The following ZRANB3 variants were observed in gnomAD, a reference collection of about 807,000 sequenced individuals.
ZRANB3 encodes the protein zinc finger RANBP2-type containing 3, also known as DNA annealing helicase and endonuclease ZRANB3.
In ZRANB3, 125 loss-of-function variants were observed where a neutral mutation model predicts 133.8. The observed-to-expected ratio is 0.93, with a 90% CI of 0.81 to 1.08. The LOEUF (loss-of-function observed/expected upper bound fraction) is 1.08, where lower values mean the gene tolerates loss of function less well. Ranked by LOEUF, ZRANB3 falls within the 50% of genes least tolerant of loss-of-function variation. ZRANB3 has a pLI of 0.00. For synonymous variants in ZRANB3, 387 were observed against 432.7 expected (o/e 0.89, Z 1.31); for missense variants, 1,229 against 1,275.5 (o/e 0.96, Z 0.56).
At position 135,271,821 on chromosome 2, in the gene ZRANB3, G is replaced by GAAACT; in HGVS notation, c.1148_1152dup (p.Gln385SerfsTer13). 1.2e-6 allele frequency: 2 copies of GAAACT among 1,613,780 alleles called. No individual in the cohort carries two copies. Among genetic ancestry groups the GAAACT allele is most frequent in the Non-Finnish European group, 8.5e-7 (1 of 1,179,834 alleles). ...GCCACGCGAGTGTCAGGATCCTTTT[G>GAAACT]AAACTGATTAACCAGATGTATTCTT... is the stretch of plus-strand genomic sequence containing the variant. On this transcript the variant is annotated frameshift_variant, in exon 10 of 21. Coordinates refer to ENST00000264159, the MANE Select transcript of ZRANB3 (RefSeq NM_032143.4). LOFTEE classifies it high-confidence loss of function.
At chr2:135,441,629 T>C (rs1406989731) in intron 2 of ZRANB3, among the ~76,000 whole-genome samples, 1 of 152,064 alleles carries the variant, frequency 6.6e-6, no homozygotes, top group African/African-American at 2.4e-5. Context: ...ATATAATATA[T>C]ACTTGTATAA....
At chr2:135,218,154 C>T (rs1323462743) in intron 16 of ZRANB3, among the ~76,000 whole-genome samples, 1 of 152,144 alleles carries the variant, frequency 6.6e-6, no homozygotes, top group Non-Finnish European at 1.5e-5. Flanking sequence ...AGGCATGTTT[C>T]AGGACATGCA....
Position 135,234,036 on chromosome 2 carries a change from A to G in ZRANB3, c.1540-3109T>C, listed in dbSNP as rs560141526. ...GAGTCAAGACCCATCAGTGTGCTGTATTCAGGAAACCCATCTCATGTGCAG... is the reference window on the plus strand; with the variant it reads ...GAGTCAAGACCCATCAGTGTGCTGTGTTCAGGAAACCCATCTCATGTGCAG... On this transcript the variant is annotated intron_variant, in intron 12 of 20. Coordinates refer to ENST00000264159, the MANE Select transcript of ZRANB3 (RefSeq NM_032143.4). Among the ~76,000 whole-genome samples the G allele has an allele frequency of 5.3e-4, 81 of 152,354 alleles. No individual in the cohort carries two copies. The Middle Eastern group carries it at 0.01, about 19-fold the overall frequency.
intron 6 of ZRANB3, among the ~76,000 whole-genome samples, chr2:135,333,030 G>T (rs1202376138): frequency 6.6e-6 from 1 of 152,136 alleles, no homozygotes; most frequent in Non-Finnish European, 1.5e-5. Flanking sequence ...GCTGGGTGTG[G>T]CTGGAGAAAT....
chr2:135,362,590 A>C (rs563470518), intron 3 of ZRANB3, among the ~76,000 whole-genome samples: 3 of 152,232 alleles, frequency 2.0e-5, no homozygotes, highest in Non-Finnish European at 4.4e-5. Context: ...TGGGACTAGA[A>C]AAAGAAAATC....
In ZRANB3 at chr2:135,425,315, C is replaced by T. The variant is rs139820144; in HGVS notation, c.162-34495G>A. On this transcript the variant is annotated intron_variant, in intron 2 of 20. Transcript: ENST00000264159. ...ACTGAAAAGGTCAGAAGTTTCTGGA[C>T]GAGACATCTAAAAGATAAAAATGAT... Among the ~76,000 whole-genome samples, 441 of 152,098 alleles carry T rather than the reference C, an allele frequency of 2.9e-3. 2 individuals carry two copies. The highest frequency in any genetic ancestry group is 3.5e-3 in the Non-Finnish European group (241 of 67,998).
chr2:135,520,982 T>C (rs1221770554), intron 1 of ZRANB3, among the ~76,000 whole-genome samples: 4 of 152,180 alleles, frequency 2.6e-5, no homozygotes, highest in African/African-American at 9.7e-5. Context: ...TTCCCACTTA[T>C]TGGGTGACCT....
At chr2:135,511,715 T>C in intron 1 of ZRANB3, 1 of 766,284 alleles carries the variant, frequency 1.3e-6, no homozygotes, top group South Asian at 1.3e-5. Context: ...ACATGGAGAA[T>C]CTTGGTGTGG....
intron 3 of ZRANB3, among the ~76,000 whole-genome samples, chr2:135,374,916 T>G (rs1686352402): frequency 6.6e-6 from 1 of 152,144 alleles, no homozygotes; most frequent in Non-Finnish European, 1.5e-5. Flanking sequence ...AGACCTCACC[T>G]AAGAAGATAT....
intron 2 of ZRANB3, among the ~76,000 whole-genome samples, chr2:135,392,592 G>C (rs934084747): frequency 7.2e-5 from 11 of 151,882 alleles, no homozygotes; most frequent in African/African-American, 2.7e-4. Flanking sequence ...TGTACTAAAA[G>C]TAAAAAATTA....
intron 12 of ZRANB3, among the ~76,000 whole-genome samples, chr2:135,259,407 A>G (rs1386749768): frequency 1.3e-5 from 2 of 151,728 alleles, no homozygotes; most frequent in African/African-American, 4.8e-5. Flanking sequence ...CAACCATTCT[A>G]CATATTTTTA....
intron 3 of ZRANB3, among the ~76,000 whole-genome samples, chr2:135,375,671 C>T (rs1248735237): frequency 2.7e-5 from 4 of 147,414 alleles, no homozygotes; most frequent in South Asian, 2.1e-4. Context: ...GGCGACAGAG[C>T]GAGACTCCAT....
At chr2:135,511,007 G>C in intron 1 of ZRANB3, 1 of 782,494 alleles carries the variant, frequency 1.3e-6, no homozygotes, top group South Asian at 1.3e-5. Context: ...GTCCCCTTTG[G>C]GGAGGAATAT....
At chr2:135,390,628 T>C (rs1387914235) in intron 3 of ZRANB3, among the ~76,000 whole-genome samples, 174 bp downstream of exon 3, 1 of 151,524 alleles carries the variant, frequency 6.6e-6, no homozygotes. Context: ...ACACACACAT[T>C]CATTCATTCT....
At chr2:135,442,580 G>A (rs575984675) in intron 2 of ZRANB3, among the ~76,000 whole-genome samples, 4 of 152,270 alleles carry the variant, frequency 2.6e-5, no homozygotes, top group African/African-American at 4.8e-5. Flanking sequence ...AAACAGGAAC[G>A]CTTTTACACT....
chr2:135,325,794 ACAT>A (rs1216254320), intron 6 of ZRANB3, among the ~76,000 whole-genome samples: 4 of 152,232 alleles, frequency 2.6e-5, no homozygotes, highest in African/African-American at 9.6e-5. Flanking sequence ...ACAGCTGCTA[ACAT>A]CATAAAAAGA....
chr2:135,337,379 G>T (rs905801452), intron 6 of ZRANB3, among the ~76,000 whole-genome samples: 1 of 152,104 alleles, frequency 6.6e-6, no homozygotes, highest in African/African-American at 2.4e-5. Context: ...CAGGGAAAAA[G>T]GATACAAAGT....
chr2:135,312,492 T>C (rs1429857570), intron 8 of ZRANB3, among the ~76,000 whole-genome samples: 3 of 152,192 alleles, frequency 2.0e-5, no homozygotes, highest in Non-Finnish European at 2.9e-5. Flanking sequence ...TTACAGGTTC[T>C]ACCATGGTGG....
chr2:135,407,410 T>C (rs535737317), intron 2 of ZRANB3, among the ~76,000 whole-genome samples: 180 of 151,738 alleles, frequency 1.2e-3, no homozygotes, highest in African/African-American at 4.1e-3. Context: ...AGGTAATTTA[T>C]AGATTCAATG....
Sources: allele counts gnomAD v4.1 joint callset (sites outside exome capture counted in the v4.1 genomes callset), GRCh38; gene constraint gnomAD v4.1.1; transcripts MANE v1.5; gene names NCBI Gene and HGNC (gene_info 2026-07-23, HGNC 2026-07-21).